SCAPER: variants seen among roughly 807,000 people sequenced by gnomAD.
SCAPER encodes the protein S phase cyclin A-associated protein in the endoplasmic reticulum.
SCAPER carries 98 observed loss-of-function variants against 182.2 expected under a neutral mutation model. The ratio of observed to expected loss-of-function variants is 0.54; its 90% CI spans 0.46 to 0.64. SCAPER has a LOEUF of 0.64. Among genes scored for constraint, SCAPER ranks in the 30% least tolerant of loss-of-function variants. The pLI, the probability that SCAPER is intolerant of heterozygous loss-of-function variation, is 0.00. For missense variants in SCAPER, 1,432 were observed against 1,690.0 expected, an observed-to-expected ratio of 0.85 and a Z score of 2.68; for synonymous variants, 605 against 564.6, an observed-to-expected ratio of 1.07 and a Z score of -1.01.
intron 2 of SCAPER, among the ~76,000 whole-genome samples, chr15:76,876,310 G>A (rs575255360): frequency 3.4e-3 from 519 of 152,210 alleles, no homozygotes; most frequent in African/African-American, 0.012. Context: ...CAGAGTGGAC[G>A]TCGAGGCCGA....
rs79698329 is a variant in SCAPER, at chr15:76,798,120, G to C, written c.611+2128C>G. On this transcript the variant is annotated intron_variant, in intron 7 of 31. Transcript: ENST00000563290. ...TGTACCTGTAATCCTAGCACATTGG[G>C]AGCCCAAGGAGGGTGGATCACTTGA... 3.3e-3 allele frequency among the ~76,000 whole-genome samples: 503 copies of C among 152,196 alleles called. 5 individuals carry two copies. The highest frequency in any genetic ancestry group is 0.011 in the African/African-American group (472 of 41,524).
At chr15:76,650,974 A>G (rs991368220) in intron 21 of SCAPER, among the ~76,000 whole-genome samples, 18 of 152,148 alleles carry the variant, frequency 1.2e-4, no homozygotes, top group Admixed American at 1.2e-3. Context: ...CTATATCAAA[A>G]TAATACAACA....
At chr15:76,809,322 G>C (rs988670027) in intron 5 of SCAPER, among the ~76,000 whole-genome samples, 1 of 152,134 alleles carries the variant, frequency 6.6e-6, no homozygotes, top group Non-Finnish European at 1.5e-5. Context: ...TTATCACATA[G>C]AGAATTCAAA....
intron 4 of SCAPER, among the ~76,000 whole-genome samples, chr15:76,855,478 A>AG (rs2071258707): frequency 6.9e-6 from 1 of 144,108 alleles, no homozygotes; most frequent in Non-Finnish European, 1.5e-5. Context: ...AAAAAAAAAA[A>AG]GTAAACAACT....
At chr15:76,876,638 C>T (rs1445011968) in intron 2 of SCAPER, among the ~76,000 whole-genome samples, 1 of 151,784 alleles carries the variant, frequency 6.6e-6, no homozygotes, top group Non-Finnish European at 1.5e-5. Flanking sequence ...TTATTAACAA[C>T]ATAAAGGAGA....
At chr15:76,395,945 CA>C (rs1164638065) in intron 27 of SCAPER, among the ~76,000 whole-genome samples, 8 of 152,100 alleles carry the variant, frequency 5.3e-5, no homozygotes, top group Non-Finnish European at 7.4e-5. Context: ...AGAGTTTCCC[CA>C]ATGTTTTCTT....
intron 22 of SCAPER, among the ~76,000 whole-genome samples, chr15:76,588,124 G>A (rs368587230): frequency 1.4e-4 from 22 of 152,034 alleles, no homozygotes; most frequent in South Asian, 6.2e-4. Flanking sequence ...GGGTTTCACC[G>A]TGTTAGCCAG....
chr15:76,771,256 T>C (rs958635064), intron 10 of SCAPER, among the ~76,000 whole-genome samples: 23 of 152,040 alleles, frequency 1.5e-4, no homozygotes, highest in African/African-American at 4.3e-4. Context: ...CATAAATCTA[T>C]AAATAATCAC....
chr15:76,853,921 A>T (rs2071050757), intron 4 of SCAPER, among the ~76,000 whole-genome samples: 1 of 152,228 alleles, frequency 6.6e-6, no homozygotes, highest in Non-Finnish European at 1.5e-5. Flanking sequence ...GAAAACCCAT[A>T]GTCTCAGCAC....
intron 4 of SCAPER, among the ~76,000 whole-genome samples, chr15:76,842,181 C>T (rs975852066): frequency 1.3e-5 from 2 of 152,108 alleles, no homozygotes; most frequent in Non-Finnish European, 2.9e-5. Flanking sequence ...GGAGGATATG[C>T]ATAGGTTATA....
chr15:76,730,678 C>T (rs2060871700), intron 16 of SCAPER, among the ~76,000 whole-genome samples: 1 of 151,796 alleles, frequency 6.6e-6, no homozygotes, highest in South Asian at 2.1e-4. Flanking sequence ...ATACAAAGAG[C>T]TTAGGCATTA....
chr15:76,546,095 A>G (rs1383698261), intron 23 of SCAPER, among the ~76,000 whole-genome samples: 1 of 152,138 alleles, frequency 6.6e-6, no homozygotes, highest in African/African-American at 2.4e-5. Context: ...GGCCTAGAGT[A>G]AAATTTCAAA....
intron 15 of SCAPER, among the ~76,000 whole-genome samples, chr15:76,738,106 A>G (rs1379694819): frequency 6.6e-6 from 1 of 152,212 alleles, no homozygotes; most frequent in Non-Finnish European, 1.5e-5. Context: ...ACTGACTAGC[A>G]TAAGAGGCCT....
At chr15:76,678,944 G>T (rs1333906143) in intron 20 of SCAPER, among the ~76,000 whole-genome samples, 3 of 152,114 alleles carry the variant, frequency 2.0e-5, no homozygotes, top group Non-Finnish European at 4.4e-5. Flanking sequence ...GTTTTATTCA[G>T]ACTAAGACCA....
At chr15:76,904,442 T>A (rs2074955739) in intron 1 of SCAPER, among the ~76,000 whole-genome samples, 1 of 152,222 alleles carries the variant, frequency 6.6e-6, no homozygotes. Flanking sequence ...AAATAACTTG[T>A]CACAACTAGA....
chr15:76,764,668 G>C (rs1040065578), intron 14 of SCAPER, among the ~76,000 whole-genome samples: 7 of 152,126 alleles, frequency 4.6e-5, no homozygotes, highest in African/African-American at 1.7e-4. Flanking sequence ...TGTCCTACCA[G>C]GTCATTCTAC....
intron 5 of SCAPER, among the ~76,000 whole-genome samples, chr15:76,814,786 T>C (rs1472925894): frequency 2.6e-5 from 4 of 152,006 alleles, no homozygotes; most frequent in Admixed American, 1.3e-4. Context: ...ATAAAAACTT[T>C]CCTACAAATA....
chr15:76,368,353 G>T (rs62028376), intron 29 of SCAPER, among the ~76,000 whole-genome samples: 11,269 of 152,308 alleles, frequency 0.074, 564 homozygotes, highest in Non-Finnish European at 0.11. Flanking sequence ...AACACACAAT[G>T]ACTCTAGGAA....
At chr15:76,804,294 G>C (rs2065983942) in intron 6 of SCAPER, among the ~76,000 whole-genome samples, 1 of 152,124 alleles carries the variant, frequency 6.6e-6, no homozygotes, top group Non-Finnish European at 1.5e-5. Context: ...TCCATGAGTG[G>C]TAAATGTGTC....
Sources: allele counts gnomAD v4.1 joint callset (sites outside exome capture counted in the v4.1 genomes callset), GRCh38; gene constraint gnomAD v4.1.1; transcripts MANE v1.5; gene names NCBI Gene and HGNC (gene_info 2026-07-23, HGNC 2026-07-21).